Variants in GRIA3 observed in about 807,000 individuals in gnomAD.
GRIA3 encodes glutamate ionotropic receptor AMPA type subunit 3, also known as glutamate receptor 3.
A neutral mutation model predicts 63.0 loss-of-function variants in GRIA3; 3 were observed. The ratio of observed to expected loss-of-function variants is 0.05; its 90% CI spans 0.02 to 0.12. The LOEUF is 0.12. Among genes scored for constraint, GRIA3 ranks in the 10% least tolerant of loss-of-function variants. The pLI is 1.00. For missense variants in GRIA3, 347 were observed against 700.9 expected (o/e 0.50, Z 5.70); for synonymous variants, 274 against 257.9 (o/e 1.06, Z -0.60).
chrX:123,310,344 G>C (rs1161283447), intron 3 of GRIA3, among the ~76,000 whole-genome samples: 1 of 112,580 alleles, frequency 8.9e-6, no homozygotes, highest in Non-Finnish European at 1.9e-5. Context: ...AGTTAGCTCA[G>C]CTGGGTATAT....
intron 3 of GRIA3, among the ~76,000 whole-genome samples, chrX:123,289,901 T>G (rs1322645319): frequency 8.9e-6 from 1 of 111,857 alleles, no homozygotes; most frequent in Non-Finnish European, 1.9e-5. Context: ...GCACTTTTTA[T>G]AATTTTTTTA....
chrX:123,266,989 T>C (rs763948643), intron 3 of GRIA3, among the ~76,000 whole-genome samples: 1 of 111,335 alleles, frequency 9.0e-6, no homozygotes, highest in Admixed American at 9.6e-5. Flanking sequence ...TGTGTCCTCA[T>C]AGCTATTTAT....
At chrX:123,344,726 T>C (rs2045032399) in intron 4 of GRIA3, among the ~76,000 whole-genome samples, 2 of 111,335 alleles carry the variant, frequency 1.8e-5, no homozygotes, top group Admixed American at 1.9e-4. Context: ...TCTGGGTGAA[T>C]TTCCTCATGC....
chrX:123,320,477 G>C (rs992948158), intron 3 of GRIA3, among the ~76,000 whole-genome samples: 1 of 111,612 alleles, frequency 9.0e-6, no homozygotes, highest in African/African-American at 3.3e-5. Context: ...GCACAGGATA[G>C]GAAAGTTTTA....
At chrX:123,481,152 C>G (rs943118915) in intron 14 of GRIA3, among the ~76,000 whole-genome samples, 1 of 111,610 alleles carries the variant, frequency 9.0e-6, no homozygotes, top group Admixed American at 9.6e-5. Flanking sequence ...GTCAAAGGAC[C>G]TCTCCCCCCA....
chrX:123,189,338 A>G (rs1927363582), intron 2 of GRIA3, among the ~76,000 whole-genome samples: 1 of 112,295 alleles, frequency 8.9e-6, no homozygotes, highest in African/African-American at 3.2e-5. Context: ...TGTGTTTTTT[A>G]AAAAACAGAT....
chrX:123,474,921 G>T (rs1424201685), intron 13 of GRIA3, among the ~76,000 whole-genome samples: 1 of 111,367 alleles, frequency 9.0e-6, no homozygotes, highest in African/African-American at 3.3e-5. Flanking sequence ...AGCTGAGTTA[G>T]TGGCAGGTGT....
chrX:123,339,292 A>G (rs898257013), intron 4 of GRIA3, among the ~76,000 whole-genome samples: 3 of 112,447 alleles, frequency 2.7e-5, no homozygotes, highest in African/African-American at 9.7e-5. Flanking sequence ...CATGAAAAAG[A>G]AAACAGAAGG....
At chrX:123,284,021 G>A (rs1396208173) in intron 3 of GRIA3, among the ~76,000 whole-genome samples, 1 of 112,731 alleles carries the variant, frequency 8.9e-6, no homozygotes, top group African/African-American at 3.2e-5. Flanking sequence ...CTGGCAGGTG[G>A]CCCTATGGGA....
chrX:123,475,814 A>T (rs2045884352), intron 13 of GRIA3, among the ~76,000 whole-genome samples: 1 of 111,544 alleles, frequency 9.0e-6, no homozygotes, highest in African/African-American at 3.3e-5. Context: ...GTCATCACAA[A>T]TATCTAAGCT....
At chrX:123,436,670 G>A (rs773998257) in intron 12 of GRIA3, among the ~76,000 whole-genome samples, 1 of 111,885 alleles carries the variant, frequency 8.9e-6, no homozygotes. Context: ...AAAGCCTAAG[G>A]GGGTTAAGTC....
At chrX:123,353,430 T>C (rs1464434890) in intron 4 of GRIA3, among the ~76,000 whole-genome samples, 4 of 112,004 alleles carry the variant, frequency 3.6e-5, no homozygotes, top group Non-Finnish European at 3.8e-5. Flanking sequence ...ATGAGACTAA[T>C]GATACTTAAT....
chrX:123,211,703 G>A (rs1334286720), intron 2 of GRIA3, among the ~76,000 whole-genome samples: 1 of 111,917 alleles, frequency 8.9e-6, no homozygotes, highest in Non-Finnish European at 1.9e-5. Flanking sequence ...AGTGACTTAT[G>A]CAAAGTTGTA....
chrX:123,430,768 A>T (rs1318889126), intron 12 of GRIA3, among the ~76,000 whole-genome samples: 2 of 110,725 alleles, frequency 1.8e-5, no homozygotes, highest in African/African-American at 6.6e-5. Flanking sequence ...GCAGATCACG[A>T]GCTCAGGAGA....
chrX:123,213,529 A>C (rs775626563), intron 2 of GRIA3, among the ~76,000 whole-genome samples: 2 of 112,166 alleles, frequency 1.8e-5, no homozygotes, highest in Non-Finnish European at 3.8e-5. Flanking sequence ...TTGATTCTAC[A>C]GTTCACACTC....
chrX:123,245,923 A>G (rs1265190265), intron 2 of GRIA3, among the ~76,000 whole-genome samples: 1 of 111,762 alleles, frequency 8.9e-6, no homozygotes, highest in Non-Finnish European at 1.9e-5. Context: ...GGCAGCATAG[A>G]GAGACTACAG....
At chrX:123,428,962 T>A (rs906867422) in intron 12 of GRIA3, among the ~76,000 whole-genome samples, 1 of 111,689 alleles carries the variant, frequency 9.0e-6, no homozygotes, top group African/African-American at 3.3e-5. Context: ...AAAATGTTTT[T>A]TCAGTTACCC....
chrX:123,357,751 T>C (rs2045142835), intron 5 of GRIA3, among the ~76,000 whole-genome samples: 3 of 111,342 alleles, frequency 2.7e-5, no homozygotes, highest in African/African-American at 9.8e-5. Context: ...GAATGTCTAC[T>C]ACAAGAACAA....
intron 4 of GRIA3, among the ~76,000 whole-genome samples, chrX:123,334,506 T>A (rs2044962284): frequency 8.9e-6 from 1 of 111,795 alleles, no homozygotes. Context: ...GCAAGACTCT[T>A]GTTTATTTCA....
Sources: allele counts gnomAD v4.1 joint callset (sites outside exome capture counted in the v4.1 genomes callset), GRCh38; gene constraint gnomAD v4.1.1; transcripts MANE v1.5; gene names NCBI Gene and HGNC (gene_info 2026-07-23, HGNC 2026-07-21).